Variants in CNDP1 observed in about 807,000 individuals in gnomAD.
CNDP1 encodes the protein beta-Ala-His dipeptidase.
CNDP1 carries 44 observed loss-of-function variants against 58.1 expected under a neutral mutation model. That is an observed-to-expected ratio of 0.76 (90% CI 0.60 to 0.97). The LOEUF is 0.97. Among genes scored for constraint, CNDP1 ranks in the 50% least tolerant of loss-of-function variants. The probability of loss-of-function intolerance (pLI) is 0.00; values close to 1 mark genes in which losing one functional copy is unlikely to be tolerated. For missense variants in CNDP1, 616 were observed against 655.1 expected, an observed-to-expected ratio of 0.94 and a Z score of 0.65; for synonymous variants, 254 against 252.6, an observed-to-expected ratio of 1.01 and a Z score of -0.05.
chr18:74,541,164 G>T (rs531783471), intron 1 of CNDP1, among the ~76,000 whole-genome samples: 1 of 152,234 alleles, frequency 6.6e-6, no homozygotes, highest in Non-Finnish European at 1.5e-5. Context: ...GCCATCACCC[G>T]CTGGGGGCTC....
chr18:74,562,025 CAT>C lies in CNDP1; in HGVS notation c.467-21_467-20del. On this transcript the variant is annotated intron_variant, in intron 4 of 11. Coordinates refer to ENST00000358821, the MANE Select transcript of CNDP1 (RefSeq NM_032649.6). ...GCAGAGGTGTCCACACTTCTCTGAA[CAT>C]TCTTCTCCCCTTTTTAAAGGGAAAC... The C allele has an allele frequency of 6.2e-7, 1 of 1,607,604 alleles. No individual in the cohort carries two copies.
At chr18:74,560,478 CG>C (rs1981160884) in intron 3 of CNDP1, among the ~76,000 whole-genome samples, 1 of 152,070 alleles carries the variant, frequency 6.6e-6, no homozygotes, top group Admixed American at 6.6e-5. Context: ...GAGGCTAAGG[CG>C]GGCGGATTAG....
intron 1 of CNDP1, among the ~76,000 whole-genome samples, chr18:74,535,529 T>C (rs1479571211): frequency 6.9e-6 from 1 of 143,952 alleles, no homozygotes; most frequent in Non-Finnish European, 1.5e-5. Context: ...AAATCACTGC[T>C]CTGAGAGAAA....
At position 74,586,767 on chromosome 18, in the gene CNDP1, C is replaced by T. The variant is rs1018354927; in HGVS notation, c.*2205C>T. ...CCTGTTTTTCCACCCAATTCTAAGCCCTGTGGTGATCCAGACCCTACCCTG... is the reference window on the plus strand; with the variant it reads ...CCTGTTTTTCCACCCAATTCTAAGCTCTGTGGTGATCCAGACCCTACCCTG... On this transcript the variant is annotated 3_prime_UTR_variant, in exon 12 of 12. Transcript: ENST00000358821. 1 of 152,168 alleles carries T rather than the reference C, an allele frequency of 6.6e-6. No homozygotes were observed. Among genetic ancestry groups the T allele is most frequent in the African/African-American group, 2.4e-5 (1 of 41,414 alleles). 9.4% of individuals were successfully genotyped at this position (152,168 alleles called of 1,614,324 possible).
At chr18:74,579,172 T>TC (rs1236461372) in intron 9 of CNDP1, among the ~76,000 whole-genome samples, 83 of 139,376 alleles carry the variant, frequency 6.0e-4, no homozygotes, top group Middle Eastern at 7.5e-3. Context: ...CCTCTCTCCC[T>TC]TCTCCCTTCT....
rs1471362056 is a variant in CNDP1, at chr18:74,545,388, T to G, written c.24+10697T>G. On this transcript the variant is annotated intron_variant, in intron 1 of 11. Coordinates refer to ENST00000358821, the MANE Select transcript of CNDP1 (RefSeq NM_032649.6). This position sits in a 1 kb window ranked among gnomAD's most constrained non-coding sequence, Gnocchi z 4.1. Reference sequence around the variant, plus strand: ...ACAGGCACCAAGGACGCCTAAAGCCTGGCACTTTGAAGTCAAAGTAATTTT... The same window carrying G: ...ACAGGCACCAAGGACGCCTAAAGCCGGGCACTTTGAAGTCAAAGTAATTTT... 6.6e-6 allele frequency among the ~76,000 whole-genome samples: 1 copy of G among 152,220 alleles called. No homozygotes were observed. Among genetic ancestry groups the G allele is most frequent in the Non-Finnish European group, 1.5e-5 (1 of 68,034 alleles).
At position 74,585,007 on chromosome 18, in the gene CNDP1, TCTC is replaced by T. The variant is rs558097636; in HGVS notation, c.*447_*449del. On this transcript the variant is annotated 3_prime_UTR_variant, in exon 12 of 12. Transcript: ENST00000358821. ...TTTATCTTATTAATAAAAATGTTGG[TCTC>T]CACCACTGACTACAATGATTTCCCC... is the stretch of plus-strand genomic sequence containing the variant. 5 of 159,822 alleles carry T rather than the reference TCTC, an allele frequency of 3.1e-5. No individual in the cohort carries two copies. Among genetic ancestry groups the T allele is most frequent in the Non-Finnish European group, 6.9e-5 (5 of 72,196 alleles). 9.9% of individuals were successfully genotyped at this position (159,822 alleles called of 1,614,324 possible). A position where few individuals can be genotyped will look rare whatever the true frequency, so the allele number is the denominator to read the frequency against.
intron 1 of CNDP1, among the ~76,000 whole-genome samples, chr18:74,537,928 G>A (rs990572998): frequency 2.0e-5 from 3 of 152,164 alleles, no homozygotes; most frequent in Admixed American, 6.5e-5. Context: ...CAATTTAGAC[G>A]AAGGTGAGAA....
chr18:74,568,862 C>T (rs1032314103), intron 6 of CNDP1, among the ~76,000 whole-genome samples: 7 of 152,096 alleles, frequency 4.6e-5, no homozygotes, highest in African/African-American at 1.4e-4. Flanking sequence ...GCAGCATGCT[C>T]AGTGGCCAGG....
intron 1 of CNDP1, among the ~76,000 whole-genome samples, chr18:74,542,484 G>T (rs1980650076): frequency 6.6e-6 from 1 of 152,180 alleles, no homozygotes; most frequent in Admixed American, 6.5e-5. Flanking sequence ...TACGTCCCAG[G>T]AAGTGAAATC....
intron 1 of CNDP1, among the ~76,000 whole-genome samples, chr18:74,550,997 C>T (rs1050048935): frequency 1.3e-5 from 2 of 152,068 alleles, no homozygotes; most frequent in Admixed American, 6.5e-5. Context: ...ACTCTCATGT[C>T]GAAATGTAAT....
intron 1 of CNDP1, among the ~76,000 whole-genome samples, chr18:74,535,013 T>G (rs1241404673): frequency 2.6e-5 from 4 of 151,534 alleles, no homozygotes; most frequent in African/African-American, 9.7e-5. Context: ...TTAAAAAAAA[T>G]GAGTTTGCTT....
intron 1 of CNDP1, 22 bp downstream of exon 1, chr18:74,534,713 A>G (rs762374477): frequency 3.8e-5 from 61 of 1,613,802 alleles, no homozygotes; most frequent in Middle Eastern, 1.6e-4. Context: ...CTCCTCCATC[A>G]GAGTCCGTGC....
chr18:74,551,964 T>A (rs1024662926), intron 1 of CNDP1, among the ~76,000 whole-genome samples: 1 of 151,766 alleles, frequency 6.6e-6, no homozygotes, highest in African/African-American at 2.4e-5. Flanking sequence ...AGAGCCTTTA[T>A]TGAAGCCTTC....
In CNDP1 at chr18:74,584,625, C is replaced by CT; in HGVS notation, c.*63_*64insT. On this transcript the variant is annotated 3_prime_UTR_variant, in exon 12 of 12. Coordinates refer to ENST00000358821, the MANE Select transcript of CNDP1 (RefSeq NM_032649.6). ...GATTCACCTCCCCCACATCCCTAGACAGGGATGGAATGTAAATATCCAGAG... is the reference window on the plus strand; with the variant it reads ...GATTCACCTCCCCCACATCCCTAGACTAGGGATGGAATGTAAATATCCAGAG... The CT allele has an allele frequency of 2.6e-5, 32 of 1,234,792 alleles. No individual in the cohort carries two copies. The highest frequency in any genetic ancestry group is 3.4e-5 in the Non-Finnish European group (28 of 834,362). The allele number at this position is 1,234,792 out of a possible 1,614,324, so 76.5% of individuals were successfully genotyped here.
At chr18:74,537,949 C>A (rs1231909176) in intron 1 of CNDP1, among the ~76,000 whole-genome samples, 1 of 152,190 alleles carries the variant, frequency 6.6e-6, no homozygotes, top group Admixed American at 6.5e-5. Flanking sequence ...GTTACCCATC[C>A]ATGTACAATT....
intron 1 of CNDP1, among the ~76,000 whole-genome samples, chr18:74,539,040 G>C (rs1310859308): frequency 1.2e-4 from 18 of 152,198 alleles, no homozygotes. Context: ...CAATTCTGCT[G>C]TTGGTTTGCA....
chr18:74,583,816 T>C (rs1981848815), intron 11 of CNDP1, 108 bp downstream of exon 11: 1 of 1,125,520 alleles, frequency 8.9e-7, no homozygotes, highest in South Asian at 1.4e-5. Flanking sequence ...TGGAAAATCG[T>C]CCAGACTGGG....
chr18:74,536,846 G>T (rs1330704178), intron 1 of CNDP1, among the ~76,000 whole-genome samples: 2 of 152,158 alleles, frequency 1.3e-5, no homozygotes, highest in African/African-American at 4.8e-5. Context: ...GATGTGAGAT[G>T]GTATCTCATT....
Sources: allele counts gnomAD v4.1 joint callset (sites outside exome capture counted in the v4.1 genomes callset), GRCh38; gene constraint gnomAD v4.1.1; non-coding constraint Gnocchi (gnomAD v3.1); transcripts MANE v1.5; gene names NCBI Gene and HGNC (gene_info 2026-07-23, HGNC 2026-07-21).